NCALD: variants seen among roughly 807,000 people sequenced by gnomAD.
NCALD encodes neurocalcin delta, also known as neurocalcin-delta.
Under a neutral mutation model 18.6 loss-of-function variants are expected in NCALD, and 10 were observed. The ratio of observed to expected loss-of-function variants is 0.54; its 90% CI spans 0.33 to 0.91. The LOEUF is 0.91. Among genes scored for constraint, NCALD ranks in the 40% least tolerant of loss-of-function variants. The pLI is 0.03. For missense variants in NCALD, 184 were observed against 247.6 expected, an observed-to-expected ratio of 0.74 and a Z score of 1.72; for synonymous variants, 88 against 87.4, an observed-to-expected ratio of 1.01 and a Z score of -0.04.
chr8:101,691,276 G>GA (rs1814718650), intron 3 of NCALD: 1 of 985,064 alleles, frequency 1.0e-6, no homozygotes. Context: ...CCTAACCTTT[G>GA]AAAATTTAAT....
chr8:101,778,998 A>T lies in NCALD; in HGVS notation c.-20+11864T>A, dbSNP rs1462882279. Among the ~76,000 whole-genome samples, 64 of 152,136 alleles carry T rather than the reference A, an allele frequency of 4.2e-4. 1 individual carries two copies. Among genetic ancestry groups the T allele is most frequent in the Non-Finnish European group, 5.9e-5 (4 of 68,004 alleles). The stretch of plus-strand genomic sequence containing the variant: ...TGGGGGATGGAGCTACCTATAAAGG[A>T]ATCAAAATCAAAATGGCAGCAGACT... On this transcript the variant is annotated intron_variant, in intron 1 of 3. Coordinates refer to ENST00000220931, the MANE Select transcript of NCALD (RefSeq NM_032041.3).
At chr8:101,868,219 C>A (rs1342704521) in intron 4 of NCALD, among the ~76,000 whole-genome samples, 1 of 152,032 alleles carries the variant, frequency 6.6e-6, no homozygotes, top group African/African-American at 2.4e-5. Flanking sequence ...TTAGAGGGCC[C>A]CACTTTTGCC....
chr8:102,000,804 C>A (rs1202688867), intron 2 of NCALD, among the ~76,000 whole-genome samples: 1 of 152,342 alleles, frequency 6.6e-6, no homozygotes, highest in African/African-American at 2.4e-5. Flanking sequence ...AACAGACATG[C>A]AGCTGAGGGT....
At chr8:101,911,358 TTTC>T (rs1403245446) in intron 3 of NCALD, among the ~76,000 whole-genome samples, 2 of 142,622 alleles carry the variant, frequency 1.4e-5, no homozygotes, top group African/African-American at 5.6e-5. Flanking sequence ...TTTTTTTTCT[TTTC>T]TTTTTTTTTT....
chr8:101,858,542 A>G (rs189031960), intron 4 of NCALD, among the ~76,000 whole-genome samples: 1 of 152,306 alleles, frequency 6.6e-6, no homozygotes, highest in East Asian at 1.9e-4. Flanking sequence ...GTTCTGAACG[A>G]AAGGCACAGC....
chr8:102,111,626 C>T (rs1216086626), intron 1 of NCALD, among the ~76,000 whole-genome samples: 2 of 152,152 alleles, frequency 1.3e-5, no homozygotes. Context: ...TTTTAAATAA[C>T]AACACGTTAA....
chr8:101,693,177 G>A, intron 2 of NCALD: 2 of 316,628 alleles, frequency 6.3e-6, no homozygotes, highest in Non-Finnish European at 1.2e-5. Flanking sequence ...TTGAGACAGG[G>A]TCTCATTCTG....
intron 4 of NCALD, among the ~76,000 whole-genome samples, chr8:101,850,335 A>G (rs923776847): frequency 4.6e-5 from 7 of 152,210 alleles, no homozygotes; most frequent in African/African-American, 1.7e-4. Context: ...TGTATAAACG[A>G]ACCTAACATA....
At chr8:101,884,297 A>G (rs962663920) in intron 4 of NCALD, among the ~76,000 whole-genome samples, 2 of 152,044 alleles carry the variant, frequency 1.3e-5, no homozygotes, top group Non-Finnish European at 2.9e-5. Flanking sequence ...ATAGTACTTA[A>G]CACATTTGTA....
chr8:102,014,818 T>A (rs1174230804), intron 2 of NCALD, among the ~76,000 whole-genome samples: 1 of 152,148 alleles, frequency 6.6e-6, no homozygotes. Context: ...CATGATTACA[T>A]AAAACACTGC....
rs115276001 is a variant in NCALD, at chr8:102,036,354, T to C, written c.-209-16065A>G. Among the ~76,000 whole-genome samples the C allele has an allele frequency of 9.9e-3, 1,504 of 151,748 alleles. 30 individuals carry two copies. Among genetic ancestry groups the C allele is most frequent in the African/African-American group, 0.034 (1,399 of 41,464 alleles). On this transcript the variant is annotated intron_variant, in intron 1 of 6. Transcript: ENST00000311028. ...ATATATATCACTATATATATCTTTT[T>C]TCACTTAAAAGAGAAAAGTAAAAAT...
intron 1 of NCALD, among the ~76,000 whole-genome samples, chr8:102,104,216 G>A (rs933432552): frequency 6.6e-6 from 1 of 152,120 alleles, no homozygotes; most frequent in Non-Finnish European, 1.5e-5. Flanking sequence ...TAAGATCATC[G>A]ATATATAAAC....
intron 2 of NCALD, among the ~76,000 whole-genome samples, chr8:101,947,215 G>A (rs778500840): frequency 6.1e-4 from 93 of 152,282 alleles, no homozygotes; most frequent in Non-Finnish European, 1.0e-3. Context: ...CATGGCAACA[G>A]TTTTTTGGGG....
At chr8:101,749,450 A>G (rs1267107796) in intron 1 of NCALD, among the ~76,000 whole-genome samples, 1 of 152,154 alleles carries the variant, frequency 6.6e-6, no homozygotes, top group African/African-American at 2.4e-5. Context: ...CAAGAAGACT[A>G]TTACAGAATA....
chr8:101,833,930 T>TCC (rs1814298521), intron 4 of NCALD, among the ~76,000 whole-genome samples: 1 of 152,248 alleles, frequency 6.6e-6, no homozygotes, highest in African/African-American at 2.4e-5. Flanking sequence ...TGCTCAGCTT[T>TCC]CCCTGGTGGG....
intron 4 of NCALD, among the ~76,000 whole-genome samples, chr8:101,859,315 C>T (rs1412251336): frequency 6.6e-6 from 1 of 152,178 alleles, no homozygotes; most frequent in African/African-American, 2.4e-5. Context: ...GGTTGCACTG[C>T]CAGCTTCCCT....
intron 4 of NCALD, among the ~76,000 whole-genome samples, chr8:101,832,196 G>A (rs1222030002): frequency 6.6e-6 from 1 of 152,076 alleles, no homozygotes; most frequent in Non-Finnish European, 1.5e-5. Flanking sequence ...ACAAAGGAAT[G>A]CAAATCTTCC....
intron 1 of NCALD, among the ~76,000 whole-genome samples, chr8:102,032,704 G>A (rs1269705): frequency 0.6 from 90,071 of 150,396 alleles, 27,376 homozygotes; most frequent in East Asian, 0.86. Context: ...GGAAATATTT[G>A]TATCTCATGT....
chr8:102,097,168 C>T (rs1007628657), intron 1 of NCALD, among the ~76,000 whole-genome samples: 7 of 152,094 alleles, frequency 4.6e-5, no homozygotes, highest in South Asian at 4.2e-4. Flanking sequence ...TCATAGTATT[C>T]GTTTACCTAA....
Sources: gnomAD v4.1 joint callset for allele counts (sites outside exome capture counted in the v4.1 genomes callset) on GRCh38, gnomAD v4.1.1 for gene constraint, MANE v1.5 for transcripts, NCBI Gene and HGNC (gene_info 2026-07-23, HGNC 2026-07-21) for gene names.